Variants in EFCAB14 observed in about 807,000 individuals in gnomAD.
The protein encoded by EFCAB14 is EF-hand calcium-binding domain-containing protein 14.
EFCAB14 carries 43 observed loss-of-function variants against 56.5 expected under a neutral mutation model. The observed-to-expected ratio is 0.76, with a 90% CI of 0.60 to 0.98. The LOEUF (loss-of-function observed/expected upper bound fraction) is 0.98, where lower values mean the gene tolerates loss of function less well. Ranked by LOEUF, EFCAB14 falls within the 50% of genes least tolerant of loss-of-function variation. The pLI is 0.00. For synonymous variants in EFCAB14, 235 were observed against 212.9 expected (o/e 1.10, Z -0.90); for missense variants, 538 against 580.3 (o/e 0.93, Z 0.75).
intron 2 of EFCAB14, among the ~76,000 whole-genome samples, chr1:46,713,377 CAG>C (rs1677338775): frequency 6.6e-6 from 1 of 152,196 alleles, no homozygotes; most frequent in South Asian, 2.1e-4. Flanking sequence ...TGGTAGAAAG[CAG>C]GGTCCGCAGT....
intron 8 of EFCAB14, among the ~76,000 whole-genome samples, chr1:46,685,337 G>A (rs562393708): frequency 4.1e-4 from 63 of 152,308 alleles, no homozygotes; most frequent in African/African-American, 1.4e-3. Context: ...CTGCTTAGAT[G>A]AGTGTGAAAG....
intron 3 of EFCAB14, among the ~76,000 whole-genome samples, chr1:46,700,778 T>G (rs1459070220): frequency 6.6e-6 from 1 of 152,234 alleles, no homozygotes; most frequent in Non-Finnish European, 1.5e-5. Flanking sequence ...TCACTAAGAA[T>G]GTGCATATAT....
intron 4 of EFCAB14, among the ~76,000 whole-genome samples, chr1:46,692,714 GA>G (rs1197054505): frequency 6.6e-6 from 1 of 152,112 alleles, no homozygotes; most frequent in East Asian, 1.9e-4. Flanking sequence ...TTGCCCTAAT[GA>G]AACACTGCCC....
chr1:46,707,377 C>T (rs1677248278), intron 3 of EFCAB14, among the ~76,000 whole-genome samples: 1 of 152,142 alleles, frequency 6.6e-6, no homozygotes, highest in Non-Finnish European at 1.5e-5. Flanking sequence ...GGAATCAATG[C>T]CTACTCAACT....
intron 8 of EFCAB14, among the ~76,000 whole-genome samples, chr1:46,685,845 C>T (rs893253192): frequency 2.6e-5 from 4 of 152,104 alleles, no homozygotes; most frequent in Non-Finnish European, 5.9e-5. Context: ...TAAAAAAAAT[C>T]TGCAGAAGCA....
In EFCAB14 at chr1:46,688,377, C is replaced by A; in HGVS notation, c.963G>T (p.Lys321Asn). The A allele has an allele frequency of 6.2e-7, 1 of 1,613,896 alleles. No homozygotes were observed. Among genetic ancestry groups the A allele is most frequent in the Non-Finnish European group, 8.5e-7 (1 of 1,179,844 alleles). The change falls in exon 7 of 11, where the codon AAG becomes AAT. Residue 321 changes from lysine to asparagine, a missense_variant. Physicochemically the swap from Lys to Asn is moderately conservative, Grantham distance 94. Transcript: ENST00000371933. ...SDVVAMSKVE[K>N]KANLSFSMMG... ...CCATGCTGAAGGACAGGTTTGCTTT[C>A]TTTTCTACCTTGCTCATAGCAACCA...
In EFCAB14 at chr1:46,716,402, C is replaced by T. The variant is rs772763318; in HGVS notation, c.227G>A (p.Cys76Tyr). The T allele has an allele frequency of 1.9e-6, 3 of 1,614,114 alleles. No individual in the cohort carries two copies. Among genetic ancestry groups the T allele is most frequent in the Non-Finnish European group, 2.5e-6 (3 of 1,180,016 alleles). The change falls in exon 2 of 11, where the codon TGT (cysteine) becomes TAT (tyrosine). Residue 76 changes from cysteine to tyrosine, a missense_variant. By Grantham distance (194) the Cys-to-Tyr change is radical. Transcript: ENST00000371933. Reference protein sequence around the residue: ...LRCCKICYPLCGFVILAACVV... With the variant: ...LRCCKICYPLYGFVILAACVV... ...ACAGGCAGCAAGGATGACAAAACCA[C>T]AGAGCGGATAACAGATCTTGCAGCA...
chr1:46,698,501 G>C (rs1557446115), intron 3 of EFCAB14, among the ~76,000 whole-genome samples: 1 of 152,124 alleles, frequency 6.6e-6, no homozygotes, highest in East Asian at 1.9e-4. Context: ...GGAGTGACTG[G>C]GTAGCAACTT....
chr1:46,718,036 G>A lies in EFCAB14; in HGVS notation c.52C>T (p.Arg18Trp), dbSNP rs751923454. The change falls in exon 1 of 11, where the codon CGG (arginine) becomes TGG (tryptophan). Residue 18 changes from arginine to tryptophan, a missense_variant. Coordinates refer to ENST00000371933, the MANE Select transcript of EFCAB14 (RefSeq NM_014774.3). ...GGGCCTTTCTTGGGCTTCTTTCTCC[G>A]GCTGTCCCCAGCCAAACCAATCAAT... ...NALIGLAGDS[R>W]RKKPKKGPSS... 8.1e-6 allele frequency: 13 copies of A among 1,614,060 alleles called. No individual in the cohort carries two copies. Among genetic ancestry groups the A allele is most frequent in the African/African-American group, 1.3e-5 (1 of 74,924 alleles).
In EFCAB14 at chr1:46,680,237, T is replaced by A. The variant is rs189617055; in HGVS notation, c.1313-1601A>T. Among the ~76,000 whole-genome samples the A allele has an allele frequency of 5.0e-3, 764 of 152,302 alleles. 25 individuals are homozygous for A. Among genetic ancestry groups the A allele is most frequent in the Admixed American group, 0.045 (695 of 15,298 alleles). On this transcript the variant is annotated intron_variant, in intron 10 of 10. Transcript: ENST00000371933. ...TATACTCAAGGCAAATGAAAACATA[T>A]GTTTACATAAAAACTTGCACATGAA...
rs146359254 is a variant in EFCAB14 at position 46,682,850 on chromosome 1, C to T, written c.1312+450G>A. ...ACCAGCCTGGCCAACATGGTGAAAC[C>T]CTATCTTTACTAAAAATACAAAAAA... On this transcript the variant is annotated intron_variant, in intron 10 of 10. Coordinates refer to ENST00000371933, the MANE Select transcript of EFCAB14 (RefSeq NM_014774.3). 3.1e-4 allele frequency among the ~76,000 whole-genome samples: 47 copies of T among 152,224 alleles called. No homozygotes were observed. The East Asian group carries it at 9.1e-3, about 29-fold the overall frequency.
intron 8 of EFCAB14, among the ~76,000 whole-genome samples, chr1:46,685,913 A>T (rs1557440861): frequency 6.6e-6 from 1 of 152,196 alleles, no homozygotes; most frequent in Non-Finnish European, 1.5e-5. Context: ...ATATATTGTG[A>T]CTTTATCTAG....
intron 4 of EFCAB14, among the ~76,000 whole-genome samples, chr1:46,693,697 T>G (rs1410214238): frequency 2.0e-5 from 3 of 152,104 alleles, no homozygotes; most frequent in Non-Finnish European, 4.4e-5. Flanking sequence ...ATTTTTTTTT[T>G]CTTTTCTTTT....
chr1:46,700,819 T>C (rs1001646552), intron 3 of EFCAB14, among the ~76,000 whole-genome samples: 3 of 152,278 alleles, frequency 2.0e-5, no homozygotes, highest in African/African-American at 2.4e-5. Context: ...AGAACATATA[T>C]TGAATGACCT....
intron 10 of EFCAB14, among the ~76,000 whole-genome samples, chr1:46,682,960 T>C (rs1323848196): frequency 1.3e-5 from 2 of 152,184 alleles, no homozygotes; most frequent in Non-Finnish European, 1.5e-5. Context: ...AGGCAGAGGT[T>C]GCTGTGAGCC....
intron 2 of EFCAB14, among the ~76,000 whole-genome samples, chr1:46,708,377 C>T (rs991264340): frequency 6.6e-6 from 1 of 152,154 alleles, no homozygotes; most frequent in Non-Finnish European, 1.5e-5. Flanking sequence ...TCAGTTTCCT[C>T]ATCTGTAATA....
intron 5 of EFCAB14, among the ~76,000 whole-genome samples, chr1:46,690,122 C>T (rs75993861): frequency 0.042 from 6,471 of 152,280 alleles, 422 homozygotes; most frequent in African/African-American, 0.15. Context: ...AGTCATGTAA[C>T]CACTGGCTTG....
intron 3 of EFCAB14, among the ~76,000 whole-genome samples, chr1:46,700,758 T>C (rs1677142716): frequency 6.6e-6 from 1 of 152,206 alleles, no homozygotes; most frequent in South Asian, 2.1e-4. Context: ...AGAAACAATT[T>C]AAATGTATAT....
intron 3 of EFCAB14, among the ~76,000 whole-genome samples, chr1:46,701,487 G>C (rs1270466862): frequency 6.6e-6 from 1 of 152,210 alleles, no homozygotes; most frequent in Non-Finnish European, 1.5e-5. Context: ...TGTTCTTTGG[G>C]TAAAAACTCT....
Sources: allele counts gnomAD v4.1 joint callset (sites outside exome capture counted in the v4.1 genomes callset), GRCh38; gene constraint gnomAD v4.1.1; transcripts MANE v1.5; gene names NCBI Gene and HGNC (gene_info 2026-07-23, HGNC 2026-07-21).